The following TTC34 variants were observed in gnomAD, a reference collection of about 807,000 sequenced individuals.
The protein encoded by TTC34 is tetratricopeptide repeat protein 34.
In TTC34, 44 loss-of-function variants were observed where a neutral mutation model predicts 40.7. The observed-to-expected ratio is 1.08, with a 90% CI of 0.85 to 1.39. The LOEUF (loss-of-function observed/expected upper bound fraction) is 1.39. TTC34 is among the 40% of genes most tolerant of loss of function. The pLI is 0.00. For synonymous variants in TTC34, 422 were observed against 398.6 expected (o/e 1.06, Z -0.70); for missense variants, 884 against 838.0 (o/e 1.05, Z -0.68).
chr1:2,798,736 CCCCAGCCTCCCAGCCT>C (rs1288022196), intron 2 of TTC34, among the ~76,000 whole-genome samples: 1 of 120,944 alleles, frequency 8.3e-6, no homozygotes, highest in Non-Finnish European at 1.7e-5. Context: ...CCCCTCAGCC[CCCCAGCCTCCCAGCCT>C]CCCAGCCTCT....
At chr1:2,783,861 G>C (rs1643530968) in intron 5 of TTC34, 86 bp from the exon 6 acceptor site, 1 of 1,274,854 alleles carries the variant, frequency 7.8e-7, no homozygotes, top group Non-Finnish European at 1.0e-6. Context: ...GGAGGGCAGA[G>C]GGTGCATGAG....
chr1:2,757,786 C>T (rs1641555392), intron 6 of TTC34, among the ~76,000 whole-genome samples: 2 of 147,920 alleles, frequency 1.4e-5, no homozygotes, highest in African/African-American at 5.0e-5. Context: ...GGAGCAGCAC[C>T]CACACCTTCC....
chr1:2,651,407 C>T (rs1220175195), intron 6 of TTC34, among the ~76,000 whole-genome samples: 2 of 151,910 alleles, frequency 1.3e-5, no homozygotes, highest in Non-Finnish European at 2.9e-5. Context: ...CCCAGGTGAA[C>T]TTGTGACAAT....
At chr1:2,652,064 G>A (rs1480138263) in intron 6 of TTC34, among the ~76,000 whole-genome samples, 3 of 93,054 alleles carry the variant, frequency 3.2e-5, no homozygotes, top group African/African-American at 7.5e-5. Context: ...GCATCTGACA[G>A]CCTGGAGGAG....
At position 2,691,593 on chromosome 1, in the gene TTC34, G is replaced by C. The variant is rs977554738; in HGVS notation, c.2227-46030C>G. Among the ~76,000 whole-genome samples, 4 of 121,966 alleles carry C rather than the reference G, an allele frequency of 3.3e-5. 1 individual carries two copies. The highest frequency in any genetic ancestry group is 1.2e-4 in the African/African-American group (4 of 34,536). The allele number at this position is 121,966 out of a possible 152,430, so 80.0% of individuals were successfully genotyped here. ...GAACAGCACCCACATGCCCAGGTGA[G>C]ACCCTGACAGCCTGGAACAGCACCC... On this transcript the variant is annotated intron_variant, in intron 6 of 8. Coordinates refer to ENST00000401095, the Ensembl canonical transcript of TTC34.
At chr1:2,638,239 C>G (rs944291404) in exon 9 of TTC34, 1 of 152,054 alleles carries the variant, frequency 6.6e-6, no homozygotes, top group Non-Finnish European at 1.5e-5. Context: ...CCAAAATGCT[C>G]GTAAGATGTT....
At chr1:2,752,771 T>C (rs1374882566) in intron 6 of TTC34, among the ~76,000 whole-genome samples, 16 of 86,396 alleles carry the variant, frequency 1.9e-4, no homozygotes, top group East Asian at 5.0e-4. Context: ...ACAGCACCCA[T>C]ACGCCCAGAT....
chr1:2,653,772 C>A (rs866948569), intron 6 of TTC34, among the ~76,000 whole-genome samples: 7 of 152,168 alleles, frequency 4.6e-5, no homozygotes, highest in African/African-American at 1.4e-4. Context: ...GCCCACACCC[C>A]CAGGCGAGCA....
chr1:2,777,398 C>G (rs144109645), intron 6 of TTC34, among the ~76,000 whole-genome samples: 22 of 151,756 alleles, frequency 1.4e-4, no homozygotes, highest in African/African-American at 4.8e-4. Context: ...ATCTGACAGC[C>G]TGGAACAGCA....
chr1:2,767,813 G>T lies in TTC34; in HGVS notation c.2226+15796C>A, dbSNP rs538980700. ...CCTGGGGCAGCACCCACACTCCCAG[G>T]TGAGCATCTGACAGCCTGGAGCAGC... is the stretch of plus-strand genomic sequence containing the variant. On this transcript the variant is annotated intron_variant, in intron 6 of 8. Coordinates refer to ENST00000401095, the Ensembl canonical transcript of TTC34. 2.3e-3 allele frequency among the ~76,000 whole-genome samples: 344 copies of T among 150,722 alleles called. 5 individuals carry two copies. The highest frequency in any genetic ancestry group is 8.0e-3 in the African/African-American group (329 of 41,230).
chr1:2,754,825 G>T (rs1641451304), intron 6 of TTC34, among the ~76,000 whole-genome samples: 2 of 151,510 alleles, frequency 1.3e-5, no homozygotes, highest in African/African-American at 2.4e-5. Flanking sequence ...ACACCCCCAG[G>T]TGAGCATCTG....
At chr1:2,683,903 G>A (rs56094214) in intron 6 of TTC34, among the ~76,000 whole-genome samples, 6 of 50,152 alleles carry the variant, frequency 1.2e-4, no homozygotes, top group South Asian at 1.1e-3. Flanking sequence ...AGCCTGGGTC[G>A]GCACCCACAC....
At chr1:2,749,811 G>T (rs1641258403) in intron 6 of TTC34, among the ~76,000 whole-genome samples, 6 of 76,396 alleles carry the variant, frequency 7.9e-5, no homozygotes, top group African/African-American at 3.4e-4. Context: ...ACACCCCCAG[G>T]TGAGCATCTG....
exon 9 of TTC34, chr1:2,640,836 C>T (rs957051744): frequency 2.0e-5 from 3 of 151,064 alleles, no homozygotes; most frequent in African/African-American, 7.3e-5. Flanking sequence ...AGGTCTGAGC[C>T]CCAGGTGTGG....
chr1:2,789,385 A>T (rs1341817341), intron 3 of TTC34, 118 bp downstream of exon 3: 5 of 1,038,010 alleles, frequency 4.8e-6, no homozygotes, highest in African/African-American at 1.7e-5. Flanking sequence ...TGCTTTGGGA[A>T]GTCACCAGCC....
At chr1:2,699,225 C>T (rs1421623960) in intron 6 of TTC34, among the ~76,000 whole-genome samples, 58 of 145,626 alleles carry the variant, frequency 4.0e-4, no homozygotes, top group Admixed American at 9.0e-4. Flanking sequence ...AGGTGAGCAT[C>T]TGACCGCCCG....
intron 6 of TTC34, chr1:2,775,394 C>G (rs1458372139): frequency 6.7e-6 from 1 of 148,974 alleles, no homozygotes; most frequent in Non-Finnish European, 1.5e-5. Flanking sequence ...CCCTGCACCC[C>G]CAGTTGAGCA....
intron 6 of TTC34, among the ~76,000 whole-genome samples, chr1:2,749,474 G>C (rs1641246891): frequency 2.7e-5 from 3 of 110,024 alleles, no homozygotes; most frequent in Admixed American, 9.5e-5. Flanking sequence ...GCCTGGAACA[G>C]CACCCACATC....
At chr1:2,798,538 T>C (rs1335579079) in intron 2 of TTC34, among the ~76,000 whole-genome samples, 13 of 48,418 alleles carry the variant, frequency 2.7e-4, no homozygotes, top group East Asian at 1.3e-3. Context: ...TCTCAGCCTC[T>C]TAGCCCCTCA....
Sources: allele counts gnomAD v4.1 joint callset (sites outside exome capture counted in the v4.1 genomes callset), GRCh38; gene constraint gnomAD v4.1.1; transcripts MANE v1.5; gene names NCBI Gene and HGNC (gene_info 2026-07-23, HGNC 2026-07-21).